WDR81: variants seen among roughly 807,000 people sequenced by gnomAD.
WDR81 encodes the protein WD repeat-containing protein 81.
WDR81 carries 92 observed loss-of-function variants against 140.8 expected under a neutral mutation model. The ratio of observed to expected loss-of-function variants is 0.65; its 90% CI spans 0.55 to 0.78. WDR81 has a LOEUF of 0.78. Ranked by LOEUF, WDR81 falls within the 30% of genes least tolerant of loss-of-function variation. The pLI is 0.00. For missense variants in WDR81, 2,502 were observed against 2,636.4 expected, an observed-to-expected ratio of 0.95 and a Z score of 1.12; for synonymous variants, 1,183 against 1,156.4, an observed-to-expected ratio of 1.02 and a Z score of -0.47.
chr17:1,736,455 G>C (rs754415006), intron 9 of WDR81, among the ~76,000 whole-genome samples: 24 of 152,204 alleles, frequency 1.6e-4, no homozygotes, highest in Middle Eastern at 3.2e-3. Context: ...GCAGTGGGGC[G>C]GGAGCTATGG....
In WDR81 at chr17:1,738,456, C is replaced by T. The variant is rs1905073855; in HGVS notation, c.*771C>T. ...TCATCTCTGCACCTCGGGTCTCTGC[C>T]AGAGGAAGACTTAAGCATCCCTGCG... On this transcript the variant is annotated 3_prime_UTR_variant, in exon 10 of 10. Coordinates refer to ENST00000409644, the MANE Select transcript of WDR81 (RefSeq NM_001163809.2). 6.5e-6 allele frequency: 1 copy of T among 152,876 alleles called. No individual in the cohort carries two copies. Among genetic ancestry groups the T allele is most frequent in the Admixed American group, 6.5e-5 (1 of 15,308 alleles). The allele number at this position is 152,876 out of a possible 1,614,324, so 9.5% of individuals were successfully genotyped here.
intron 9 of WDR81, 63 bp from the exon 10 acceptor site, chr17:1,737,302 T>C (rs1387926338): frequency 1.3e-6 from 2 of 1,493,010 alleles, no homozygotes. Flanking sequence ...TGGGAAGGCC[T>C]TGGGGCCCAA....
At position 1,726,727 on chromosome 17, in the gene WDR81, C is replaced by T. The variant is rs1915301042; in HGVS notation, c.1768C>T (p.Gln590Ter). 1 of 1,548,264 alleles carries T rather than the reference C, an allele frequency of 6.5e-7. No homozygotes were observed. Residue 590 changes from glutamine to a stop codon, truncating the protein, a stop_gained, in exon 1 of 10, where the codon CAG (glutamine) becomes TAG (stop). Transcript: ENST00000409644. LOFTEE classifies it high-confidence loss of function. ...GCAGCTCTTCGATCAGCCACACCCC[C>T]AGCGCCTGGCTGGGGCTCCTGCCCT... ...VVQLFDQPHP[Q>*]RLAGAPALAP...
chr17:1,730,301 T>C (rs1163970586), intron 1 of WDR81, 79 bp from the exon 2 acceptor site: 5 of 897,748 alleles, frequency 5.6e-6, no homozygotes, highest in Admixed American at 4.3e-5. Flanking sequence ...GGTGGTTGAG[T>C]GGGGTGCCGT....
chr17:1,723,760 C>T (rs1915024975), upstream of WDR81, among the ~76,000 whole-genome samples: 1 of 151,956 alleles, frequency 6.6e-6, no homozygotes, highest in South Asian at 2.1e-4. Context: ...GCTGGGATTA[C>T]AGGCGTGAGC....
chr17:1,732,430 G>T lies in WDR81; in HGVS notation c.4263G>T (p.Leu1421=), dbSNP rs780115087. The change falls in exon 5 of 10, where the codon CTG becomes CTT. Residue 1421 remains leucine (L), a synonymous_variant. Transcript: ENST00000409644. ...RIGQEMVQQH[L]SEPVATFFQV... ...GACAGGAGATGGTCCAGCAGCACCT[G>T]AGCGAGCCCGTGGCCACCTTTTTCC... The T allele has an allele frequency of 2.5e-6, 4 of 1,613,592 alleles. No individual in the cohort carries two copies. Among genetic ancestry groups the T allele is most frequent in the Non-Finnish European group, 3.4e-6 (4 of 1,180,014 alleles).
rs996519006 is a variant in WDR81, at chr17:1,724,919, C to T, written c.-41C>T. On this transcript the variant is annotated 5_prime_UTR_variant, in exon 1 of 10. Transcript: ENST00000409644. ...GAAGCCGTCGCCAGCAGGGCCGTGG[C>T]TGGGCTCAGCCCCGCGCTGCCCCCG... 5.3e-6 allele frequency: 7 copies of T among 1,330,630 alleles called. No individual in the cohort carries two copies. In the Admixed American group the frequency reaches 2.7e-4, roughly 50 times the overall value. The allele number at this position is 1,330,630 out of a possible 1,614,324, so 82.4% of individuals were successfully genotyped here.
intron 1 of WDR81, chr17:1,716,726 T>G: frequency 7.3e-7 from 1 of 1,377,034 alleles, no homozygotes; most frequent in East Asian, 2.5e-5. Context: ...TGAGTGCTTC[T>G]TTTAGACATT....
At chr17:1,724,224 C>CGTG (rs1915052171), upstream of WDR81, among the ~76,000 whole-genome samples, 1 of 152,184 alleles carries the variant, frequency 6.6e-6, no homozygotes, top group African/African-American at 2.4e-5. Flanking sequence ...ATTAGCCGGG[C>CGTG]GTGGTGGCGC....
upstream of WDR81, among the ~76,000 whole-genome samples, chr17:1,721,915 G>C (rs1444332452): frequency 6.6e-6 from 1 of 152,026 alleles, no homozygotes; most frequent in Non-Finnish European, 1.5e-5. Context: ...CCTGAGGTCG[G>C]GAGTTTGAGA....
chr17:1,735,900 G>T lies in WDR81; in HGVS notation c.5326-139G>T. ...AGGACTCTGGCCTGTGATGGGGGTG[G>T]GGTTCTGGGCTTTTCATGCCCCCTG... On this transcript the variant is annotated intron_variant, in intron 8 of 9. Transcript: ENST00000409644. This position sits in a 1 kb window ranked among gnomAD's most constrained non-coding sequence, Gnocchi z 4.2. 7.2e-7 allele frequency: 1 copy of T among 1,383,966 alleles called. No homozygotes were observed. Among genetic ancestry groups the T allele is most frequent in the South Asian group, 1.4e-5 (1 of 69,410 alleles). 85.7% of individuals were successfully genotyped at this position (1,383,966 alleles called of 1,614,324 possible). A position where few individuals can be genotyped will look rare whatever the true frequency, so the allele number is the denominator to read the frequency against.
In WDR81 at chr17:1,727,255, C is replaced by G; in HGVS notation, c.2296C>G (p.Leu766Val). 6.5e-7 allele frequency: 1 copy of G among 1,550,338 alleles called. No homozygotes were observed. Among genetic ancestry groups the G allele is most frequent in the South Asian group, 1.2e-5 (1 of 84,068 alleles). Residue 766 changes from leucine (L) to valine (V), a missense_variant, in exon 1 of 10, where the codon CTA becomes GTA. Transcript: ENST00000409644. The part of the protein sequence containing the change: ...RVQPAVPLQC[L>V]LHRDMQALGV... ...CCAGCCGGCTGTGCCACTGCAGTGC[C>G]TACTCCACAGGGACATGCAGGCGCT...
At position 1,726,015 on chromosome 17, in the gene WDR81, G is replaced by C. The variant is rs1018534627; in HGVS notation, c.1056G>C (p.Trp352Cys). 6.5e-7 allele frequency: 1 copy of C among 1,544,520 alleles called. No homozygotes were observed. Among genetic ancestry groups the C allele is most frequent in the Non-Finnish European group, 8.7e-7 (1 of 1,142,872 alleles). The change falls in exon 1 of 10, where the codon TGG (tryptophan) becomes TGC (cysteine). Residue 352 changes from tryptophan to cysteine, a missense_variant. Physicochemically the swap from Trp to Cys is radical, Grantham distance 215 (BLOSUM62 -2). This residue lies in a region of WDR81 where 547 missense variants were observed against 513.8 expected (regional missense o/e 1.06). Coordinates refer to ENST00000409644, the MANE Select transcript of WDR81 (RefSeq NM_001163809.2). ...AACTTCGGAGCCTCGTGCTAGATTG[G>C]GTCCACGGCCGCATCAGCAACTTCC... ...QEELRSLVLD[W>C]VHGRISNFHY...
chr17:1,726,390 G>A lies in WDR81; in HGVS notation c.1431G>A (p.Pro477=), dbSNP rs1915272941. 3.9e-6 allele frequency: 6 copies of A among 1,550,092 alleles called. No individual in the cohort carries two copies. Among genetic ancestry groups the A allele is most frequent in the Non-Finnish European group, 5.2e-6 (6 of 1,146,826 alleles). Residue 477 remains proline (P), a synonymous_variant, in exon 1 of 10, where the codon CCG becomes CCA. Transcript: ENST00000409644. The part of the protein sequence containing the change: ...VRAQWEPHEY[P]ASMERMQNWT... ...CGCAGTGGGAGCCCCATGAGTATCC[G>A]GCCAGCATGGAGCGGATGCAGAACT... is the stretch of plus-strand genomic sequence containing the variant.
In WDR81 at chr17:1,726,287, A is replaced by C. The variant is rs1445561018; in HGVS notation, c.1328A>C (p.Asp443Ala). The C allele has an allele frequency of 2.6e-6, 4 of 1,541,806 alleles. No homozygotes were observed. Among genetic ancestry groups the C allele is most frequent in the Non-Finnish European group, 3.5e-6 (4 of 1,141,716 alleles). ...EPPHVPHHIS[D>A]VLSDITYYVY... ...CCTCATGTTCCCCACCACATCTCAGACGTGCTCTCCGACATCACGTACTAT... is the reference window on the plus strand; with the variant it reads ...CCTCATGTTCCCCACCACATCTCAGCCGTGCTCTCCGACATCACGTACTAT... Residue 443 changes from aspartate (D) to alanine (A), a missense_variant, in exon 1 of 10, where the codon GAC (aspartate) becomes GCC (alanine). Asp to Ala is a moderately radical substitution (Grantham distance 126, BLOSUM62 -2). Transcript: ENST00000409644.
upstream of WDR81, among the ~76,000 whole-genome samples, chr17:1,722,929 A>G (rs1567715513): frequency 6.6e-6 from 1 of 150,834 alleles, no homozygotes; most frequent in African/African-American, 2.4e-5. Flanking sequence ...TCCTGACCTC[A>G]TGATCCGCCC....
intron 1 of WDR81, among the ~76,000 whole-genome samples, chr17:1,729,876 C>A (rs567079606): frequency 3.3e-5 from 5 of 151,678 alleles, no homozygotes; most frequent in African/African-American, 1.2e-4. Context: ...GCAGGAGAAT[C>A]GCTTGAACCC....
chr17:1,731,949 A>ATG (rs1346409903), intron 4 of WDR81, among the ~76,000 whole-genome samples: 2 of 145,396 alleles, frequency 1.4e-5, no homozygotes, highest in Non-Finnish European at 3.0e-5. Context: ...AAGTATATAT[A>ATG]TATGCTGGGT....
Position 1,736,126 on chromosome 17 carries a change from T to G in WDR81, c.5413T>G (p.Phe1805Val). ...SPSGRSVVAG[F>V]SSGFMVLLDT... ...CAGTGGCCGTAGTGTCGTGGCCGGCTTCTCCTCAGGCTTCATGGTGCTCCT... is the reference window on the plus strand; with the variant it reads ...CAGTGGCCGTAGTGTCGTGGCCGGCGTCTCCTCAGGCTTCATGGTGCTCCT... Residue 1805 changes from phenylalanine to valine, a missense_variant, in exon 9 of 10, where the codon TTC (phenylalanine) becomes GTC (valine). Phe to Val is a conservative substitution (Grantham distance 50). Around this residue, in one of 3 missense-constraint regions of WDR81, gnomAD observed 1,737 missense variants for 1,843.0 expected, o/e 0.94. Coordinates refer to ENST00000409644, the MANE Select transcript of WDR81 (RefSeq NM_001163809.2). 6.2e-7 allele frequency: 1 copy of G among 1,602,636 alleles called. No homozygotes were observed. Among genetic ancestry groups the G allele is most frequent in the African/African-American group, 1.3e-5 (1 of 75,034 alleles).
Sources: allele counts gnomAD v4.1 joint callset (sites outside exome capture counted in the v4.1 genomes callset), GRCh38; gene constraint gnomAD v4.1.1; regional missense constraint gnomAD v4.1.1; non-coding constraint Gnocchi (gnomAD v3.1); transcripts MANE v1.5; gene names NCBI Gene and HGNC (gene_info 2026-07-23, HGNC 2026-07-21).